The following EXOC2 variants were observed in gnomAD, a reference collection of about 807,000 sequenced individuals.
EXOC2 encodes exocyst complex component 2.
EXOC2 carries 70 observed loss-of-function variants against 131.8 expected under a neutral mutation model. The observed-to-expected ratio is 0.53, with a 90% CI of 0.44 to 0.65. The LOEUF (loss-of-function observed/expected upper bound fraction) is 0.65, where lower values mean the gene tolerates loss of function less well. Ranked by LOEUF, EXOC2 falls within the 30% of genes least tolerant of loss-of-function variation. EXOC2 has a pLI of 0.00. For missense variants in EXOC2, 923 were observed against 1,108.6 expected, an observed-to-expected ratio of 0.83 and a Z score of 2.38; for synonymous variants, 411 against 398.4, an observed-to-expected ratio of 1.03 and a Z score of -0.38.
chr6:486,438 T>TTAAAGTCATACAGG lies in EXOC2; in HGVS notation c.*219_*232dup. On this transcript the variant is annotated 3_prime_UTR_variant, in exon 28 of 28. Transcript: ENST00000230449. Reference sequence around the variant, plus strand: ...TGCAAAATATATTTTAAAATGTATTTTAAAGTCATACAGGATCTGATCTAG... The same window carrying TTAAAGTCATACAGG: ...TGCAAAATATATTTTAAAATGTATTTTAAAGTCATACAGGTAAAGTCATACAGGATCTGATCTAG... 4.7e-6 allele frequency: 2 copies of TTAAAGTCATACAGG among 423,244 alleles called. No homozygotes were observed. The allele number at this position is 423,244 out of a possible 1,614,324, so 26.2% of individuals were successfully genotyped here.
At chr6:559,101 C>T (rs3799303) in intron 17 of EXOC2, among the ~76,000 whole-genome samples, 9,984 of 152,218 alleles carry the variant, frequency 0.066, 737 homozygotes, top group East Asian at 0.4. Context: ...CAAAAGTTAT[C>T]ACAAATCATT....
intron 25 of EXOC2, among the ~76,000 whole-genome samples, chr6:493,187 T>C (rs1292298692): frequency 1.3e-5 from 2 of 152,232 alleles, no homozygotes; most frequent in African/African-American, 2.4e-5. Context: ...GTAAGCCATC[T>C]AGATCAAAGC....
intron 11 of EXOC2, among the ~76,000 whole-genome samples, chr6:591,096 G>T (rs1561897789): frequency 6.6e-6 from 1 of 152,188 alleles, no homozygotes; most frequent in East Asian, 1.9e-4. Flanking sequence ...TTCCTGAACG[G>T]CCCTGGAGTC....
At chr6:543,326 CT>C (rs1235780723) in intron 22 of EXOC2, among the ~76,000 whole-genome samples, 1 of 152,170 alleles carries the variant, frequency 6.6e-6, no homozygotes, top group Non-Finnish European at 1.5e-5. Flanking sequence ...ATGGATGGTA[CT>C]GGAGGACCTT....
chr6:645,932 A>G (rs1762561226), intron 1 of EXOC2, among the ~76,000 whole-genome samples: 1 of 152,220 alleles, frequency 6.6e-6, no homozygotes, highest in Non-Finnish European at 1.5e-5. Flanking sequence ...GCCAGACTGA[A>G]GCAGTGCCCA....
At chr6:616,721 GA>G (rs1342991362) in intron 6 of EXOC2, among the ~76,000 whole-genome samples, 1 of 151,346 alleles carries the variant, frequency 6.6e-6, no homozygotes, top group Non-Finnish European at 1.5e-5. Flanking sequence ...GGCACAGGAA[GA>G]GGGGGGCTTA....
intron 23 of EXOC2, among the ~76,000 whole-genome samples, chr6:505,568 C>T (rs1056189621): frequency 5.3e-5 from 8 of 152,190 alleles, no homozygotes; most frequent in African/African-American, 1.7e-4. Flanking sequence ...AGCCAACAAG[C>T]GGGAGGTGTT....
At chr6:556,630 C>A (rs1452271120) in intron 17 of EXOC2, 66 bp from the exon 18 acceptor site, 7 of 1,551,738 alleles carry the variant, frequency 4.5e-6, no homozygotes, top group Non-Finnish European at 6.2e-6. Flanking sequence ...ATGTTTAACA[C>A]AAGCGAATAT....
At chr6:550,611 C>A (rs538468665) in intron 21 of EXOC2, among the ~76,000 whole-genome samples, 2 of 152,290 alleles carry the variant, frequency 1.3e-5, no homozygotes, top group African/African-American at 4.8e-5. Context: ...GATACTCCTC[C>A]ACGTTTCGTG....
At chr6:522,384 G>C (rs115389410) in intron 23 of EXOC2, among the ~76,000 whole-genome samples, 1 of 151,410 alleles carries the variant, frequency 6.6e-6, no homozygotes, top group Non-Finnish European at 1.5e-5. Context: ...GCAGGACAGC[G>C]TGTGGGGAGC....
chr6:566,017 TTTCCA>T (rs1267760165), intron 13 of EXOC2, among the ~76,000 whole-genome samples: 9 of 152,206 alleles, frequency 5.9e-5, no homozygotes, highest in Non-Finnish European at 1.3e-4. Context: ...CAAACTGTAG[TTTCCA>T]TTCATTTTTA....
At chr6:512,544 C>T (rs1764913895) in intron 23 of EXOC2, among the ~76,000 whole-genome samples, 1 of 152,170 alleles carries the variant, frequency 6.6e-6, no homozygotes, top group South Asian at 2.1e-4. Flanking sequence ...CAACAGCAGG[C>T]TATTCCTAGT....
At position 689,707 on chromosome 6, in the gene EXOC2, G is replaced by A. The variant is rs111958357; in HGVS notation, c.-44+3312C>T. Reference sequence around the variant, plus strand: ...TATTTGATTTTTAATATATGTGTCAGGCATACAGTAAGACTGGAAGATACA... The same window carrying A: ...TATTTGATTTTTAATATATGTGTCAAGCATACAGTAAGACTGGAAGATACA... On this transcript the variant is annotated intron_variant, in intron 1 of 27. Coordinates refer to ENST00000230449, the MANE Select transcript of EXOC2 (RefSeq NM_018303.6). Among the ~76,000 whole-genome samples the A allele has an allele frequency of 4.8e-3, 733 of 152,268 alleles. 3 individuals are homozygous for A. Among genetic ancestry groups the A allele is most frequent in the African/African-American group, 0.017 (691 of 41,546 alleles).
chr6:508,434 AAC>A (rs1764682003), intron 23 of EXOC2, among the ~76,000 whole-genome samples: 1 of 152,120 alleles, frequency 6.6e-6, no homozygotes, highest in South Asian at 2.1e-4. Context: ...ACTGCCCTAA[AAC>A]TCCTCTGTGC....
At chr6:603,851 C>T (rs1331824153) in intron 7 of EXOC2, among the ~76,000 whole-genome samples, 1 of 152,144 alleles carries the variant, frequency 6.6e-6, no homozygotes, top group African/African-American at 2.4e-5. Flanking sequence ...GAGCGTAAGA[C>T]CAATCCTTAA....
chr6:515,232 C>T (rs1487237973), intron 23 of EXOC2, among the ~76,000 whole-genome samples: 1 of 152,212 alleles, frequency 6.6e-6, no homozygotes, highest in Admixed American at 6.5e-5. Context: ...TTCCACCCCA[C>T]TCCACCTCAC....
chr6:662,344 G>A (rs1763459219), intron 1 of EXOC2, among the ~76,000 whole-genome samples: 2 of 152,118 alleles, frequency 1.3e-5, no homozygotes, highest in Admixed American at 1.3e-4. Flanking sequence ...AACAACTGCA[G>A]AATATACATT....
At chr6:588,636 G>A (rs530087961) in intron 11 of EXOC2, among the ~76,000 whole-genome samples, 43 of 152,168 alleles carry the variant, frequency 2.8e-4, no homozygotes, top group Middle Eastern at 3.2e-3. Context: ...TACAGGCGTG[G>A]GCCACCGCAC....
At chr6:667,900 T>G (rs1007903774) in intron 1 of EXOC2, among the ~76,000 whole-genome samples, 2 of 151,718 alleles carry the variant, frequency 1.3e-5, no homozygotes, top group African/African-American at 4.9e-5. Flanking sequence ...CATCCATCCA[T>G]CCATCCATCC....
Sources: gnomAD v4.1 joint callset for allele counts (sites outside exome capture counted in the v4.1 genomes callset) on GRCh38, gnomAD v4.1.1 for gene constraint, MANE v1.5 for transcripts, NCBI Gene and HGNC (gene_info 2026-07-23, HGNC 2026-07-21) for gene names.